NRG1: variants seen among roughly 807,000 people sequenced by gnomAD.
NRG1 encodes the protein pro-neuregulin-1, membrane-bound isoform.
A neutral mutation model predicts 63.8 loss-of-function variants in NRG1; 18 were observed. The observed-to-expected ratio is 0.28, with a 90% CI of 0.19 to 0.42. The LOEUF (loss-of-function observed/expected upper bound fraction) is 0.42. Ranked by LOEUF, NRG1 falls within the 10% of genes least tolerant of loss-of-function variation. NRG1 has a pLI of 1.00. For synonymous variants in NRG1, 302 were observed against 301.3 expected, an observed-to-expected ratio of 1.00 and a Z score of -0.02; for missense variants, 762 against 814.7, an observed-to-expected ratio of 0.94 and a Z score of 0.79.
exon 8 of NRG1, chr8:32,754,470 A>C: frequency 6.2e-7 from 1 of 1,613,580 alleles, no homozygotes; most frequent in Non-Finnish European, 8.5e-7. Flanking sequence ...CTACTGCAAA[A>C]CCAAGTAAAC....
chr8:32,741,916 G>A (rs1826397079), intron 6 of NRG1, 92 bp from the exon 7 acceptor site: 1 of 865,140 alleles, frequency 1.2e-6, no homozygotes, highest in Non-Finnish European at 1.9e-6. Context: ...TCATTTTTAG[G>A]AATCTCCATA....
intron 1 of NRG1, among the ~76,000 whole-genome samples, chr8:31,939,385 C>A (rs28835329): frequency 0.026 from 3,902 of 152,008 alleles, 172 homozygotes; most frequent in African/African-American, 0.089. Context: ...ATTACCAAGC[C>A]AGCACTACAA....
chr8:32,283,976 G>A (rs1563269093), intron 1 of NRG1, among the ~76,000 whole-genome samples: 1 of 152,148 alleles, frequency 6.6e-6, no homozygotes, highest in African/African-American at 2.4e-5. Flanking sequence ...TTTGATAAAG[G>A]ATGTGTGGAG....
rs550974658 is a variant in NRG1, at chr8:31,831,143, C to CCAGGCTGGAGTGCAGTGG, written c.37+191715_37+191732dup. On this transcript the variant is annotated intron_variant, in intron 1 of 10. Transcript: ENST00000519301. ...TTGAGACAGAGTCTCACTCTATCAC[C>CCAGGCTGGAGTGCAGTGG]CAGGCTGGAGTGCAGTGGCATGATC... 2.2e-4 allele frequency among the ~76,000 whole-genome samples: 33 copies of CCAGGCTGGAGTGCAGTGG among 152,016 alleles called. No individual in the cohort carries two copies. In the East Asian group the frequency reaches 6.2e-3, roughly 29 times the overall value.
chr8:31,911,043 A>C, intron 1 of NRG1, among the ~76,000 whole-genome samples: 1 of 152,180 alleles, frequency 6.6e-6, no homozygotes, highest in East Asian at 1.9e-4. Flanking sequence ...AGGAATTTGA[A>C]GATCCATCCA....
chr8:32,073,618 A>G (rs1481417312), intron 1 of NRG1, among the ~76,000 whole-genome samples: 1 of 152,222 alleles, frequency 6.6e-6, no homozygotes, highest in Non-Finnish European at 1.5e-5. Context: ...GAAATCTAAG[A>G]AAACTATAGC....
At chr8:32,370,584 G>A (rs545893943) in intron 1 of NRG1, among the ~76,000 whole-genome samples, 9 of 152,120 alleles carry the variant, frequency 5.9e-5, no homozygotes, top group African/African-American at 1.9e-4. Flanking sequence ...CGAGCCAGGC[G>A]CAGTGGCTCA....
intron 1 of NRG1, among the ~76,000 whole-genome samples, chr8:31,820,219 T>C (rs1236808280): frequency 6.6e-6 from 1 of 152,130 alleles, no homozygotes; most frequent in African/African-American, 2.4e-5. Flanking sequence ...GGGCCAGATA[T>C]CTATCCCCAT....
chr8:31,775,033 G>A (rs1255950360), intron 1 of NRG1, among the ~76,000 whole-genome samples: 2 of 152,090 alleles, frequency 1.3e-5, no homozygotes, highest in Non-Finnish European at 2.9e-5. Flanking sequence ...ACAGTGTGGA[G>A]ATTTCTCAAA....
chr8:32,296,152 A>G (rs1251327710), intron 1 of NRG1, among the ~76,000 whole-genome samples: 1 of 152,098 alleles, frequency 6.6e-6, no homozygotes, highest in Non-Finnish European at 1.5e-5. Flanking sequence ...CTGGCTGAGA[A>G]GTGCAGTCAT....
chr8:31,911,655 T>A (rs1832954327), intron 1 of NRG1, among the ~76,000 whole-genome samples: 1 of 152,092 alleles, frequency 6.6e-6, no homozygotes, highest in Non-Finnish European at 1.5e-5. Flanking sequence ...GACAAAATAA[T>A]CTGTACAATG....
At chr8:32,501,206 C>T (rs1351278009) in intron 1 of NRG1, among the ~76,000 whole-genome samples, 3 of 152,068 alleles carry the variant, frequency 2.0e-5, no homozygotes, top group African/African-American at 7.2e-5. Flanking sequence ...CATTATAAGT[C>T]AATTGATAAA....
intron 7 of NRG1, among the ~76,000 whole-genome samples, chr8:32,748,358 C>CACACACACAG (rs748763782): frequency 3.4e-4 from 41 of 121,960 alleles, no homozygotes; most frequent in Non-Finnish European, 5.7e-4. Context: ...CACACACACA[C>CACACACACAG]AGAGAGAGAG....
chr8:31,987,427 A>G (rs984467187), intron 1 of NRG1, among the ~76,000 whole-genome samples: 1 of 151,484 alleles, frequency 6.6e-6, no homozygotes, highest in African/African-American at 2.4e-5. Flanking sequence ...AAAGAATGAA[A>G]TCATGTCCTT....
At position 32,742,961 on chromosome 8, in the gene NRG1, C is replaced by T. The variant is rs893149680; in HGVS notation, c.691+228C>T. On this transcript the variant is annotated intron_variant, in intron 7 of 11. Coordinates refer to ENST00000356819, the Ensembl canonical transcript of NRG1. The surrounding 1 kb of genome is among the most constrained non-coding windows in gnomAD (Gnocchi z 4.2). ...AGATACTAATAGGTGTGTGAGGCTC[C>T]GGATGTTTCTGGAATTGATATTGAA... is the stretch of plus-strand genomic sequence containing the variant. 1.1e-5 allele frequency: 15 copies of T among 1,362,660 alleles called. No homozygotes were observed. The highest frequency in any genetic ancestry group is 5.8e-5 in the African/African-American group (4 of 68,884). The allele number at this position is 1,362,660 out of a possible 1,614,324, so 84.4% of individuals were successfully genotyped here. A position where few individuals can be genotyped will look rare whatever the true frequency, so the allele number is the denominator to read the frequency against.
At chr8:32,540,824 T>C (rs536241053) in intron 1 of NRG1, among the ~76,000 whole-genome samples, 81 of 152,268 alleles carry the variant, frequency 5.3e-4, no homozygotes, top group African/African-American at 1.9e-3. Flanking sequence ...GGGAAAGAGT[T>C]GGAGCCAACC....
At chr8:32,548,880 C>G in intron 1 of NRG1, 54 bp downstream of exon 1, 10 of 1,283,440 alleles carry the variant, frequency 7.8e-6, no homozygotes, top group African/African-American at 1.5e-5. Context: ...TCCTCCTACT[C>G]CTCCTCCTCC....
At chr8:32,291,907 A>G (rs964602342) in intron 1 of NRG1, among the ~76,000 whole-genome samples, 2 of 152,162 alleles carry the variant, frequency 1.3e-5, no homozygotes, top group African/African-American at 4.8e-5. Flanking sequence ...ATATATGTTC[A>G]TTGTTGCTAA....
chr8:32,549,478 A>G (rs1833720779), intron 1 of NRG1, among the ~76,000 whole-genome samples: 1 of 152,250 alleles, frequency 6.6e-6, no homozygotes, highest in Non-Finnish European at 1.5e-5. Flanking sequence ...GTCCAGTGTC[A>G]GGAATCAGCT....
Sources: allele counts gnomAD v4.1 joint callset (sites outside exome capture counted in the v4.1 genomes callset), GRCh38; gene constraint gnomAD v4.1.1; non-coding constraint Gnocchi (gnomAD v3.1); transcripts MANE v1.5; gene names NCBI Gene and HGNC (gene_info 2026-07-23, HGNC 2026-07-21).